The following SCGB1A1 variants were observed in gnomAD, a reference collection of about 807,000 sequenced individuals.
The protein encoded by SCGB1A1 is uteroglobin.
Under a neutral mutation model 7.5 loss-of-function variants are expected in SCGB1A1, and 8 were observed. The ratio of observed to expected loss-of-function variants is 1.07; its 90% CI spans 0.63 to 1.92. SCGB1A1 has a LOEUF of 1.92. SCGB1A1 is among the 30% of genes most tolerant of loss of function. The pLI is 0.00. For missense variants in SCGB1A1, 121 were observed against 112.7 expected (o/e 1.07, Z -0.33); for synonymous variants, 44 against 40.8 (o/e 1.08, Z -0.30).
intron 1 of SCGB1A1, among the ~76,000 whole-genome samples, chr11:62,421,275 G>T (rs929073129): frequency 6.6e-6 from 1 of 152,142 alleles, no homozygotes; most frequent in Non-Finnish European, 1.5e-5. Context: ...CCATGTTCCT[G>T]GTTGTAAGGA....
At chr11:62,422,925 AC>A (rs1937838081) in intron 2 of SCGB1A1, 133 bp from the exon 3 acceptor site, 1 of 808,750 alleles carries the variant, frequency 1.2e-6, no homozygotes, top group Admixed American at 2.0e-5. Context: ...AGCCCTTACT[AC>A]CTTAGTTCCT....
At chr11:62,420,377 G>A (rs1364340482) in intron 1 of SCGB1A1, among the ~76,000 whole-genome samples, 1 of 147,962 alleles carries the variant, frequency 6.8e-6, no homozygotes, top group Non-Finnish European at 1.5e-5. Flanking sequence ...GCAGTGGCGC[G>A]ATCTCAGCTC....
intron 2 of SCGB1A1, 39 bp downstream of exon 2, chr11:62,422,447 C>G: frequency 6.4e-7 from 1 of 1,555,168 alleles, no homozygotes; most frequent in Non-Finnish European, 8.8e-7. Context: ...TTAGAAGTGG[C>G]TTCCCCAAGT....
chr11:62,422,773 C>A (rs561107599), intron 2 of SCGB1A1, among the ~76,000 whole-genome samples: 1 of 151,988 alleles, frequency 6.6e-6, no homozygotes, highest in Non-Finnish European at 1.5e-5. Flanking sequence ...GGGGTTTCAC[C>A]GTGTTTGCCA....
intron 1 of SCGB1A1, among the ~76,000 whole-genome samples, chr11:62,420,246 A>C (rs1019609349): frequency 6.6e-6 from 1 of 152,016 alleles, no homozygotes; most frequent in African/African-American, 2.4e-5. Context: ...CATGCATACA[A>C]TATTTAACAC....
intron 1 of SCGB1A1, 83 bp downstream of exon 1, chr11:62,419,233 C>A: frequency 9.1e-7 from 1 of 1,099,950 alleles, no homozygotes; most frequent in Non-Finnish European, 1.2e-6. Flanking sequence ...AAGGAGTGAG[C>A]TGCCCATTCC....
chr11:62,420,897 T>C lies in SCGB1A1; in HGVS notation c.56-1324T>C, dbSNP rs1325861225. On this transcript the variant is annotated intron_variant, in intron 1 of 2. Transcript: ENST00000278282. Reference sequence around the variant, plus strand: ...TTGCAGTCAGCCGAGATGGCATCACTGCACTCCAGCCTGGGCAATAGAGCG... The same window carrying C: ...TTGCAGTCAGCCGAGATGGCATCACCGCACTCCAGCCTGGGCAATAGAGCG... Among the ~76,000 whole-genome samples the C allele has an allele frequency of 2.0e-5, 3 of 151,752 alleles. No individual in the cohort carries two copies. In the South Asian group the frequency reaches 6.2e-4, roughly 32 times the overall value.
In SCGB1A1 at chr11:62,422,427, G is replaced by A. The variant is rs369765274; in HGVS notation, c.243+19G>A. ...GCTCATGGTAACCAGCACCTTTCAC[G>A]TCACACTGGTTAGAAGTGGCTTCCC... On this transcript the variant is annotated intron_variant, in intron 2 of 2. Coordinates refer to ENST00000278282, the MANE Select transcript of SCGB1A1 (RefSeq NM_003357.5). 3.3e-5 allele frequency: 52 copies of A among 1,591,034 alleles called. No homozygotes were observed. The highest frequency in any genetic ancestry group is 2.3e-4 in the African/African-American group (17 of 74,122).
At position 62,422,341 on chromosome 11, in the gene SCGB1A1, G is replaced by A; in HGVS notation, c.176G>A (p.Gly59Glu). 1 of 1,614,120 alleles carries A rather than the reference G, an allele frequency of 6.2e-7. No homozygotes were observed. The highest frequency in any genetic ancestry group is 1.1e-5 in the South Asian group (1 of 91,058). ...CCTGATCAAGACATGAGGGAGGCAG[G>A]GGCTCAGCTGAAGAAGCTGGTGGAC... ...FSPDQDMREA[G>E]AQLKKLVDTL... The change falls in exon 2 of 3, where the codon GGG becomes GAG. Residue 59 changes from glycine (G) to glutamate (E), a missense_variant. Transcript: ENST00000278282.
chr11:62,419,887 A>C (rs959522918), intron 1 of SCGB1A1, among the ~76,000 whole-genome samples: 2 of 152,160 alleles, frequency 1.3e-5, no homozygotes, highest in African/African-American at 4.8e-5. Flanking sequence ...TGGGTTATCT[A>C]ACTCTGTTTT....
chr11:62,422,959 G>A (rs956211472), intron 2 of SCGB1A1, 100 bp from the exon 3 acceptor site: 53 of 1,107,848 alleles, frequency 4.8e-5, no homozygotes, highest in Non-Finnish European at 6.8e-5. Context: ...TGCACCTCTC[G>A]GTTAATGTTG....
intron 1 of SCGB1A1, among the ~76,000 whole-genome samples, chr11:62,420,660 C>CCTGT (rs1473200249): frequency 2.7e-5 from 4 of 150,292 alleles, no homozygotes; most frequent in Admixed American, 2.6e-4. Flanking sequence ...TTGGGCCAGG[C>CCTGT]ACGGTGGCTC....
Position 62,422,101 on chromosome 11 carries a change from A to G in SCGB1A1, c.56-120A>G, listed in dbSNP as rs1318520437. ...AATCTTACACTCTAGTCCATCGATG[A>G]AAAGGCTGCTATCTCTCGCTGATGG... On this transcript the variant is annotated intron_variant, in intron 1 of 2. Coordinates refer to ENST00000278282, the MANE Select transcript of SCGB1A1 (RefSeq NM_003357.5). 39 of 731,804 alleles carry G rather than the reference A, an allele frequency of 5.3e-5. No individual in the cohort carries two copies. The East Asian group carries it at 8.9e-4, about 17-fold the overall frequency. 45.3% of individuals were successfully genotyped at this position (731,804 alleles called of 1,614,324 possible).
chr11:62,422,452 C>CTGGCCGGGCGCGGTGGCTCA, intron 2 of SCGB1A1, 44 bp downstream of exon 2: 1 of 1,530,304 alleles, frequency 6.5e-7, no homozygotes, highest in Non-Finnish European at 8.9e-7. Flanking sequence ...AGTGGCTTCC[C>CTGGCCGGGCGCGGTGGCTCA]CAAGTGGGGC....
chr11:62,422,129 C>A, intron 1 of SCGB1A1, 92 bp from the exon 2 acceptor site: 2 of 1,041,348 alleles, frequency 1.9e-6, no homozygotes, highest in East Asian at 2.5e-5. Context: ...GCTGATGGGC[C>A]TGGCTGTTTG....
rs565394994 is a variant in SCGB1A1 at position 62,422,376 on chromosome 11, C to G, written c.211C>G (p.Gln71Glu). The G allele has an allele frequency of 1.2e-6, 2 of 1,613,784 alleles. No individual in the cohort carries two copies. The highest frequency in any genetic ancestry group is 1.1e-5 in the South Asian group (1 of 91,014). Residue 71 changes from glutamine to glutamate, a missense_variant, in exon 2 of 3, where the codon CAA becomes GAA. Coordinates refer to ENST00000278282, the MANE Select transcript of SCGB1A1 (RefSeq NM_003357.5). ...GAAGAAGCTGGTGGACACCCTCCCC[C>G]AAAAGCCCAGAGAAAGCATCATTAA... is the stretch of plus-strand genomic sequence containing the variant. ...QLKKLVDTLPQKPRESIIKLM... is the reference protein window; with the variant it reads ...QLKKLVDTLPEKPRESIIKLM...
Position 62,421,969 on chromosome 11 carries a change from C to G in SCGB1A1, c.56-252C>G, listed in dbSNP as rs551785060. 4.8e-3 allele frequency: 1,421 copies of G among 294,068 alleles called. 4 individuals are homozygous for G. Among genetic ancestry groups the G allele is most frequent in the Non-Finnish European group, 7.0e-3 (1,108 of 158,698 alleles). 18.2% of individuals were successfully genotyped at this position (294,068 alleles called of 1,614,324 possible). A position where few individuals can be genotyped will look rare whatever the true frequency, so the allele number is the denominator to read the frequency against. On this transcript the variant is annotated intron_variant, in intron 1 of 2. Coordinates refer to ENST00000278282, the MANE Select transcript of SCGB1A1 (RefSeq NM_003357.5). ...CTCCACACTGCATTAAAAAATCAGG[C>G]CAGCAGCTTCTATGATCAATACTCT...
chr11:62,422,193 C>T (rs1937812393), intron 1 of SCGB1A1, 28 bp from the exon 2 acceptor site: 1 of 1,575,896 alleles, frequency 6.3e-7, no homozygotes, highest in Non-Finnish European at 8.7e-7. Flanking sequence ...GGCCTGGAGA[C>T]ATGTGCCTTC....
At chr11:62,422,932 T>C in intron 2 of SCGB1A1, 127 bp from the exon 3 acceptor site, 2 of 848,434 alleles carry the variant, frequency 2.4e-6, no homozygotes, top group Non-Finnish European at 4.0e-6. Context: ...ACTACCTTAG[T>C]TCCTCCTAGA....
Sources: allele counts gnomAD v4.1 joint callset (sites outside exome capture counted in the v4.1 genomes callset), GRCh38; gene constraint gnomAD v4.1.1; transcripts MANE v1.5; gene names NCBI Gene and HGNC (gene_info 2026-07-23, HGNC 2026-07-21).